KIAA1328: variants seen among roughly 807,000 people sequenced by gnomAD.
KIAA1328 encodes protein hinderin.
Under a neutral mutation model 68.1 loss-of-function variants are expected in KIAA1328, and 52 were observed. The observed-to-expected ratio is 0.76, with a 90% CI of 0.61 to 0.96. The LOEUF is 0.96. Ranked by LOEUF, KIAA1328 falls within the 40% of genes least tolerant of loss-of-function variation. KIAA1328 has a pLI of 0.00. For missense variants in KIAA1328, 641 were observed against 677.6 expected, an observed-to-expected ratio of 0.95 and a Z score of 0.60; for synonymous variants, 232 against 239.4, an observed-to-expected ratio of 0.97 and a Z score of 0.28.
chr18:36,831,558 C>T (rs1450809241), intron 1 of KIAA1328, among the ~76,000 whole-genome samples: 1 of 152,114 alleles, frequency 6.6e-6, no homozygotes, highest in Non-Finnish European at 1.5e-5. Context: ...CTTAAATGCA[C>T]TCAAGTGTAT....
Position 37,141,244 on chromosome 18 carries a change from T to C in KIAA1328, c.1233-18956T>C, listed in dbSNP as rs552042598. Among the ~76,000 whole-genome samples the C allele has an allele frequency of 2.6e-5, 4 of 152,304 alleles. No individual in the cohort carries two copies. The South Asian group carries it at 8.3e-4, about 32-fold the overall frequency. On this transcript the variant is annotated intron_variant, in intron 7 of 9. Transcript: ENST00000280020. Reference sequence around the variant, plus strand: ...CAAAGCACCTTATACCACTTTTTGATGAGTTTCCCTCCAAAGATCCCTAGC... The same window carrying C: ...CAAAGCACCTTATACCACTTTTTGACGAGTTTCCCTCCAAAGATCCCTAGC...
chr18:37,081,583 T>C (rs1478712482), intron 7 of KIAA1328, among the ~76,000 whole-genome samples: 1 of 152,234 alleles, frequency 6.6e-6, no homozygotes, highest in Non-Finnish European at 1.5e-5. Context: ...GTGCCACTTC[T>C]GAATTTTAAA....
chr18:37,072,716 G>A (rs1175545407), intron 7 of KIAA1328, among the ~76,000 whole-genome samples: 1 of 152,036 alleles, frequency 6.6e-6, no homozygotes, highest in Admixed American at 6.6e-5. Context: ...AGGTATACGG[G>A]TACCATGGTG....
chr18:37,100,534 G>A (rs576862048), intron 7 of KIAA1328, among the ~76,000 whole-genome samples: 53 of 152,300 alleles, frequency 3.5e-4, no homozygotes, highest in African/African-American at 1.3e-3. Flanking sequence ...GGCTCAAACT[G>A]GGTGGAGCCC....
intron 5 of KIAA1328, among the ~76,000 whole-genome samples, chr18:36,890,614 A>T (rs1598621170): frequency 6.6e-6 from 1 of 152,096 alleles, no homozygotes; most frequent in Admixed American, 6.6e-5. Flanking sequence ...GAGGTTGCAG[A>T]GAGCCGAGAT....
rs962554088 is a variant in KIAA1328 at position 36,983,743 on chromosome 18, A to G, written c.576+24308A>G. On this transcript the variant is annotated intron_variant, in intron 6 of 9. Coordinates refer to ENST00000280020, the MANE Select transcript of KIAA1328 (RefSeq NM_020776.3). ...TACATAAAGTCTTCCAGAAAATTAT[A>G]GAAGAGGAAATACTTAACAATTCAT... Among the ~76,000 whole-genome samples the G allele has an allele frequency of 8.5e-5, 13 of 152,292 alleles. No individual in the cohort carries two copies. The East Asian group carries it at 1.2e-3, about 14-fold the overall frequency.
intron 7 of KIAA1328, among the ~76,000 whole-genome samples, chr18:37,100,282 G>A (rs1367824910): frequency 6.6e-6 from 1 of 152,172 alleles, no homozygotes; most frequent in Non-Finnish European, 1.5e-5. Context: ...CAAAGAAAGG[G>A]GTGACAGATG....
chr18:37,090,940 C>T (rs548158611), intron 7 of KIAA1328, among the ~76,000 whole-genome samples: 1 of 152,160 alleles, frequency 6.6e-6, no homozygotes, highest in East Asian at 1.9e-4. Flanking sequence ...TGCTGATAAA[C>T]TTGAAATAGC....
intron 9 of KIAA1328, among the ~76,000 whole-genome samples, chr18:37,191,187 A>G (rs2059898217): frequency 6.6e-6 from 1 of 152,198 alleles, no homozygotes; most frequent in African/African-American, 2.4e-5. Context: ...AGTAAAGCCT[A>G]TGAAAGGAAA....
At chr18:37,221,245 A>G (rs1221778468) in intron 9 of KIAA1328, among the ~76,000 whole-genome samples, 1 of 152,160 alleles carries the variant, frequency 6.6e-6, no homozygotes, top group Non-Finnish European at 1.5e-5. Context: ...CTTTTCCCAA[A>G]CTTCTAGAAA....
At chr18:37,190,515 G>A (rs983988040) in intron 9 of KIAA1328, among the ~76,000 whole-genome samples, 6 of 152,134 alleles carry the variant, frequency 3.9e-5, no homozygotes, top group Admixed American at 2.0e-4. Flanking sequence ...AGGATGCTGC[G>A]CGAGTTTTCT....
At chr18:36,959,963 T>G (rs2051590002) in intron 6 of KIAA1328, among the ~76,000 whole-genome samples, 1 of 152,222 alleles carries the variant, frequency 6.6e-6, no homozygotes, top group African/African-American at 2.4e-5. Flanking sequence ...GTATGTATTA[T>G]ATACTTAAAT....
At chr18:37,023,151 C>T (rs2054412054) in intron 6 of KIAA1328, among the ~76,000 whole-genome samples, 1 of 152,220 alleles carries the variant, frequency 6.6e-6, no homozygotes, top group South Asian at 2.1e-4. Flanking sequence ...CTGCCTTGGC[C>T]TCCCCAAGTG....
chr18:36,980,968 C>T (rs1302828477), intron 6 of KIAA1328, among the ~76,000 whole-genome samples: 1 of 152,150 alleles, frequency 6.6e-6, no homozygotes. Flanking sequence ...TGTGAATTGC[C>T]CAGTCTTCGG....
At chr18:37,047,958 A>G (rs963748051) in intron 6 of KIAA1328, among the ~76,000 whole-genome samples, 6 of 152,176 alleles carry the variant, frequency 3.9e-5, no homozygotes, top group Non-Finnish European at 7.3e-5. Context: ...TTTATTCATA[A>G]TATTTTGGTT....
chr18:37,124,341 A>G (rs933287290), intron 7 of KIAA1328, among the ~76,000 whole-genome samples: 6 of 151,892 alleles, frequency 4.0e-5, no homozygotes, highest in African/African-American at 1.5e-4. Flanking sequence ...ACCTCTTACC[A>G]TACAGTTTAT....
intron 4 of KIAA1328, among the ~76,000 whole-genome samples, chr18:36,845,744 G>A (rs960113350): frequency 2.6e-5 from 4 of 151,524 alleles, no homozygotes; most frequent in South Asian, 2.1e-4. Flanking sequence ...ATACATCAGC[G>A]AATGAAACAA....
intron 7 of KIAA1328, among the ~76,000 whole-genome samples, chr18:37,085,214 T>G (rs2057066451): frequency 1.3e-5 from 2 of 152,150 alleles, no homozygotes; most frequent in Non-Finnish European, 2.9e-5. Context: ...GCCTGGAGTC[T>G]GGGACCGGGA....
chr18:37,160,759 A>C (rs778893874), intron 8 of KIAA1328, among the ~76,000 whole-genome samples: 1 of 152,236 alleles, frequency 6.6e-6, no homozygotes, highest in Non-Finnish European at 1.5e-5. Context: ...AATTGACTGG[A>C]AACATGGGGA....
Sources: gnomAD v4.1 joint callset for allele counts (sites outside exome capture counted in the v4.1 genomes callset) on GRCh38, gnomAD v4.1.1 for gene constraint, MANE v1.5 for transcripts, NCBI Gene and HGNC (gene_info 2026-07-23, HGNC 2026-07-21) for gene names.